TUT4: variants seen among roughly 807,000 people sequenced by gnomAD.
The protein encoded by TUT4 is terminal uridylyltransferase 4.
A neutral mutation model predicts 192.2 loss-of-function variants in TUT4; 36 were observed. That is an observed-to-expected ratio of 0.19 (90% confidence interval 0.14 to 0.25). The LOEUF (loss-of-function observed/expected upper bound fraction) is 0.25, where lower values mean the gene tolerates loss of function less well. Among genes scored for constraint, TUT4 ranks in the 10% least tolerant of loss-of-function variants. TUT4 has a pLI of 1.00. For missense variants in TUT4, 1,493 were observed against 1,957.2 expected (o/e 0.76, Z 4.47); for synonymous variants, 618 against 666.0 (o/e 0.93, Z 1.11).
intron 12 of TUT4, among the ~76,000 whole-genome samples, chr1:52,477,023 C>T (rs1055116143): frequency 2.6e-4 from 39 of 152,070 alleles, no homozygotes; most frequent in Non-Finnish European, 1.9e-4. Flanking sequence ...TCTCCTTTAG[C>T]GAAGCCACAT....
Position 52,497,147 on chromosome 1 carries a change from G to A in TUT4, c.1036C>T (p.Pro346Ser). 6.2e-7 allele frequency: 1 copy of A among 1,611,472 alleles called. No homozygotes were observed. The highest frequency in any genetic ancestry group is 8.5e-7 in the Non-Finnish European group (1 of 1,179,196). The change falls in exon 5 of 30, where the codon CCT becomes TCT. Residue 346 changes from proline to serine, a missense_variant. Around this residue, in one of 7 missense-constraint regions of TUT4, gnomAD observed 437 missense variants for 577.6 expected, o/e 0.76. Transcript: ENST00000257177. ...GCAGCCAAGTGGGCAGGGGAAGGAGGTGGCAGAGAACGAAGCTCACTTTCT... is the reference window on the plus strand; with the variant it reads ...GCAGCCAAGTGGGCAGGGGAAGGAGATGGCAGAGAACGAAGCTCACTTTCT... ...QEESELRSLP[P>S]PSPAHLAALS...
chr1:52,465,779 T>C (rs1663945642), intron 15 of TUT4, among the ~76,000 whole-genome samples: 1 of 152,240 alleles, frequency 6.6e-6, no homozygotes, highest in South Asian at 2.1e-4. Flanking sequence ...ATATAAATTA[T>C]GATAGGGTTA....
chr1:52,552,327 C>T (rs1243386662), intron 1 of TUT4, among the ~76,000 whole-genome samples: 2 of 152,128 alleles, frequency 1.3e-5, no homozygotes, highest in Non-Finnish European at 2.9e-5. Flanking sequence ...TCTCAGTTAC[C>T]CACGTCAAAA....
In TUT4 at chr1:52,457,907, A is replaced by G. The variant is rs11205958; in HGVS notation, c.3435+429T>C. Among the ~76,000 whole-genome samples, 1,057 of 152,344 alleles carry G rather than the reference A, an allele frequency of 6.9e-3. 8 individuals are homozygous for G. Among genetic ancestry groups the G allele is most frequent in the African/African-American group, 0.024 (1,000 of 41,568 alleles). On this transcript the variant is annotated intron_variant, in intron 20 of 29. Coordinates refer to ENST00000257177, the MANE Select transcript of TUT4 (RefSeq NM_001009881.3). ...GTTTCCCTGGGTTCATTCTAAACCA[A>G]AATTCACAAGGTTGACCAAAGTATA...
At chr1:52,486,736 T>C (rs1386273972) in intron 9 of TUT4, among the ~76,000 whole-genome samples, 2 of 152,218 alleles carry the variant, frequency 1.3e-5, no homozygotes, top group African/African-American at 4.8e-5. Context: ...TTTTGTAATA[T>C]ATGTTTCAGT....
At position 52,475,434 on chromosome 1, in the gene TUT4, A is replaced by T; in HGVS notation, c.2125T>A (p.Cys709Ser). 1 of 1,614,132 alleles carries T rather than the reference A, an allele frequency of 6.2e-7. No homozygotes were observed. ...RFRAAYRYFA[C>S]PQTKGGNKST... ...TTATTTCCACCCTTCGTCTGAGGACAGGCAAAATACCGATAAGCTGCCCTA... is the reference window on the plus strand; with the variant it reads ...TTATTTCCACCCTTCGTCTGAGGACTGGCAAAATACCGATAAGCTGCCCTA... Residue 709 changes from cysteine to serine, a missense_variant, in exon 13 of 30, where the codon TGT becomes AGT. This residue lies in a region of TUT4 where 437 missense variants were observed against 577.6 expected (regional missense o/e 0.76). Transcript: ENST00000257177.
chr1:52,429,027 G>A (rs1052386753), intron 28 of TUT4, among the ~76,000 whole-genome samples: 4 of 151,756 alleles, frequency 2.6e-5, no homozygotes, highest in African/African-American at 9.7e-5. Flanking sequence ...ATGGGGAGGG[G>A]GGTTCATTAT....
rs749456443 is a variant in TUT4 at position 52,461,693 on chromosome 1, T to A, written c.3127+19A>T. ...AAAAAAATTTATTTTGTTTTACAGA[T>A]AAGATTCAAAATTCATACCTGGATG... On this transcript the variant is annotated intron_variant, in intron 17 of 29. Coordinates refer to ENST00000257177, the MANE Select transcript of TUT4 (RefSeq NM_001009881.3). The A allele has an allele frequency of 6.5e-7, 1 of 1,536,798 alleles. No individual in the cohort carries two copies. The highest frequency in any genetic ancestry group is 8.8e-7 in the Non-Finnish European group (1 of 1,131,452).
At chr1:52,424,199 G>A in intron 29 of TUT4, 197 bp from the exon 30 acceptor site, 21 of 551,080 alleles carry the variant, frequency 3.8e-5, no homozygotes, top group South Asian at 1.4e-4. Flanking sequence ...AAAAAGGAGA[G>A]GACACGAAAG....
chr1:52,549,996 A>G (rs1191342737), intron 1 of TUT4, among the ~76,000 whole-genome samples: 1 of 152,166 alleles, frequency 6.6e-6, no homozygotes, highest in East Asian at 1.9e-4. Flanking sequence ...TAATCTTTGC[A>G]TTTATATACC....
chr1:52,474,589 C>T (rs1016656304), intron 13 of TUT4, among the ~76,000 whole-genome samples: 1 of 151,984 alleles, frequency 6.6e-6, no homozygotes, highest in Non-Finnish European at 1.5e-5. Flanking sequence ...CAGATGAATC[C>T]TTTCATATAT....
chr1:52,490,575 T>G (rs746700483), intron 8 of TUT4, among the ~76,000 whole-genome samples, 157 bp downstream of exon 8: 1 of 152,154 alleles, frequency 6.6e-6, no homozygotes, highest in Non-Finnish European at 1.5e-5. Flanking sequence ...TCACATGCAT[T>G]TGGTAAGCTT....
intron 20 of TUT4, among the ~76,000 whole-genome samples, chr1:52,457,227 C>CT (rs1180296701): frequency 1.3e-5 from 2 of 151,386 alleles, no homozygotes; most frequent in African/African-American, 2.4e-5. Context: ...TGTGATTTTT[C>CT]TTTTTTTTCT....
At chr1:52,545,378 C>CAA (rs1269542752) in intron 1 of TUT4, among the ~76,000 whole-genome samples, 14 of 70,760 alleles carry the variant, frequency 2.0e-4, no homozygotes, top group African/African-American at 4.3e-4. Flanking sequence ...GACTCTGTCT[C>CAA]AAAAAAAAAA....
chr1:52,530,295 T>C (rs1205813740), intron 1 of TUT4, among the ~76,000 whole-genome samples: 2 of 150,852 alleles, frequency 1.3e-5, no homozygotes, highest in Non-Finnish European at 2.9e-5. Context: ...AATAGGAATA[T>C]GTGTTATGAA....
chr1:52,475,073 T>G lies in TUT4; in HGVS notation c.2486A>C (p.Glu829Ala). The change falls in exon 13 of 30, where the codon GAG becomes GCG. Residue 829 changes from glutamate (E) to alanine (A), a missense_variant. Glu to Ala is a moderately radical substitution (Grantham distance 107, BLOSUM62 -1). Transcript: ENST00000257177. ...LAPSETCLKK[E>A]LSQCNCIDLS... is the part of the protein sequence containing the mutation. Reference sequence around the variant, plus strand: ...ATCAATGCAATTACATTGGCTGAGCTCTTTTTTTAAACAAGTTTCTGAAGG... The same window carrying G: ...ATCAATGCAATTACATTGGCTGAGCGCTTTTTTTAAACAAGTTTCTGAAGG... The G allele has an allele frequency of 6.2e-7, 1 of 1,614,162 alleles. No individual in the cohort carries two copies. The highest frequency in any genetic ancestry group is 8.5e-7 in the Non-Finnish European group (1 of 1,180,036).
chr1:52,441,009 G>A (rs1386822242), intron 24 of TUT4, among the ~76,000 whole-genome samples: 1 of 152,138 alleles, frequency 6.6e-6, no homozygotes, highest in Non-Finnish European at 1.5e-5. Flanking sequence ...TATAAATGCT[G>A]ATCTGCAATG....
chr1:52,472,796 G>A (rs1666112697), intron 13 of TUT4, among the ~76,000 whole-genome samples: 1 of 151,876 alleles, frequency 6.6e-6, no homozygotes, highest in African/African-American at 2.4e-5. Context: ...CCAACTCAAA[G>A]AAAGAAACAC....
intron 13 of TUT4, 134 bp from the exon 14 acceptor site, chr1:52,472,236 A>C: frequency 1.1e-6 from 1 of 913,316 alleles, no homozygotes; most frequent in East Asian, 2.9e-5. Flanking sequence ...ATTAAAAAAA[A>C]AAACATGTTG....
Sources: allele counts gnomAD v4.1 joint callset (sites outside exome capture counted in the v4.1 genomes callset), GRCh38; gene constraint gnomAD v4.1.1; regional missense constraint gnomAD v4.1.1; transcripts MANE v1.5; gene names NCBI Gene and HGNC (gene_info 2026-07-23, HGNC 2026-07-21).